OR52I2: variants seen among roughly 807,000 people sequenced by gnomAD.
OR52I2 encodes olfactory receptor family 52 subfamily I member 2.
For missense variants in OR52I2, 350 were observed against 402.4 expected, an observed-to-expected ratio of 0.87 and a Z score of 1.11; for synonymous variants, 147 against 151.9, an observed-to-expected ratio of 0.97 and a Z score of 0.24.
rs755674815 is a variant in OR52I2, at chr11:4,587,789, G to A, written c.899G>A (p.Arg300Lys). 15 of 1,613,974 alleles carry A rather than the reference G, an allele frequency of 9.3e-6. 1 individual carries two copies. The African/African-American group carries it at 2.0e-4, about 22-fold the overall frequency. ...TTAAATCCCATCATCTATGGCATGA[G>A]GACCAAACAACTGCGGGAGAGAATA... Residue 300 changes from arginine (R) to lysine (K), a missense_variant, in exon 2 of 2, where the codon AGG (arginine) becomes AAG (lysine). Arg to Lys is a conservative substitution (Grantham distance 26). Transcript: ENST00000641896.
At chr11:4,588,354 C>G (rs1341551451) in exon 2 of OR52I2, 1 of 160,484 alleles carries the variant, frequency 6.2e-6, no homozygotes, top group Non-Finnish European at 1.4e-5. Context: ...ACACTAGAAA[C>G]TTTATAGCTT....
chr11:4,592,747 A>G (rs1403718904), exon 2 of OR52I2: 2 of 152,242 alleles, frequency 1.3e-5, no homozygotes, highest in Admixed American at 6.5e-5. Context: ...TACATATTAT[A>G]TGATATGGTA....
At chr11:4,586,913 A>C (rs779615355) in exon 2 of OR52I2, 1 of 1,613,984 alleles carries the variant, frequency 6.2e-7, no homozygotes, top group Non-Finnish European at 8.5e-7. Flanking sequence ...GCTTATAACC[A>C]CACAATGGAA....
chr11:4,591,849 AAG>A (rs1846352668), exon 2 of OR52I2: 1 of 151,544 alleles, frequency 6.6e-6, no homozygotes, highest in South Asian at 2.1e-4. Context: ...AAGTGTGATG[AAG>A]AAAAAAAAAT....
rs757119323 is a variant in OR52I2, at chr11:4,586,908, T to A, written c.18T>A (p.Tyr6Ter). 2 of 1,613,916 alleles carry A rather than the reference T, an allele frequency of 1.2e-6. No individual in the cohort carries two copies. The highest frequency in any genetic ancestry group is 1.7e-6 in the Non-Finnish European group (2 of 1,179,820). ...CACTTGTGATGCTGGGTCCAGCTTA[T>A]AACCACACAATGGAAACCCCTGCCT... is the stretch of plus-strand genomic sequence containing the variant. Residue 6 changes from tyrosine (Y) to a stop codon, truncating the protein, a stop_gained, in exon 2 of 2, where the codon TAT (tyrosine) becomes TAA (stop). Coordinates refer to ENST00000641896, the Ensembl canonical transcript of OR52I2. LOFTEE classifies it low-confidence loss of function (END_TRUNC).
chr11:4,589,172 T>C (rs887258119), exon 2 of OR52I2: 1 of 152,114 alleles, frequency 6.6e-6, no homozygotes, highest in Non-Finnish European at 1.5e-5. Context: ...GGAGTAGCAA[T>C]GTTTGGTTGC....
At chr11:4,591,356 G>A (rs1262893181) in exon 2 of OR52I2, 1 of 152,172 alleles carries the variant, frequency 6.6e-6, no homozygotes, top group East Asian at 1.9e-4. Context: ...CACAGGAAGC[G>A]ATAGTTAAAG....
exon 2 of OR52I2, chr11:4,586,934 C>T: frequency 1.9e-6 from 3 of 1,614,180 alleles, no homozygotes; most frequent in Non-Finnish European, 2.5e-6. Flanking sequence ...ACCCCTGCCT[C>T]CTTCCTCCTT....
intron 1 of OR52I2, among the ~76,000 whole-genome samples, chr11:4,582,808 A>G (rs1216880213): frequency 6.6e-6 from 1 of 152,128 alleles, no homozygotes; most frequent in African/African-American, 2.4e-5. Context: ...ATTAAAAACA[A>G]AGGCAGGTGC....
At chr11:4,584,907 A>G (rs1589842788) in intron 1 of OR52I2, among the ~76,000 whole-genome samples, 1 of 152,318 alleles carries the variant, frequency 6.6e-6, no homozygotes, top group African/African-American at 2.4e-5. Flanking sequence ...ACTTGCAGCA[A>G]TCTAAAAGTA....
chr11:4,582,686 C>T (rs1183980177), intron 1 of OR52I2, among the ~76,000 whole-genome samples: 4 of 152,026 alleles, frequency 2.6e-5, no homozygotes, highest in East Asian at 3.9e-4. Flanking sequence ...CCTACCACCT[C>T]GGCCTCCCAA....
exon 2 of OR52I2, chr11:4,591,032 C>T (rs1484687034): frequency 6.6e-6 from 1 of 152,092 alleles, no homozygotes; most frequent in East Asian, 1.9e-4. Context: ...AGGACTTTAC[C>T]ACAGCTGCTG....
chr11:4,584,935 A>T (rs1589842804), intron 1 of OR52I2, among the ~76,000 whole-genome samples: 1 of 152,328 alleles, frequency 6.6e-6, no homozygotes, highest in East Asian at 1.9e-4. Flanking sequence ...TATGCAGGGA[A>T]AACAGTTTCA....
At chr11:4,585,121 C>T (rs113450514) in intron 1 of OR52I2, among the ~76,000 whole-genome samples, 300 of 152,194 alleles carry the variant, frequency 2.0e-3, no homozygotes, top group Non-Finnish European at 3.4e-3. Flanking sequence ...TAAGGCAAAG[C>T]GGCTAGCAAG....
exon 2 of OR52I2, chr11:4,588,097 C>G (rs1846322600): frequency 1.8e-6 from 1 of 541,314 alleles, no homozygotes; most frequent in East Asian, 3.1e-5. Flanking sequence ...AGAGAATACA[C>G]ATTTGATTGA....
exon 2 of OR52I2, chr11:4,587,394 T>C (rs768568110): frequency 6.2e-7 from 1 of 1,613,788 alleles, no homozygotes; most frequent in East Asian, 2.2e-5. Context: ...GGATGGTGAG[T>C]CATCTACCTT....
chr11:4,589,431 C>T (rs1276915099), exon 2 of OR52I2: 1 of 152,224 alleles, frequency 6.6e-6, no homozygotes, highest in Non-Finnish European at 1.5e-5. Flanking sequence ...ACAGAGAAAA[C>T]TCTCAGACTG....
exon 2 of OR52I2, chr11:4,588,826 C>G (rs1457282844): frequency 2.0e-5 from 3 of 152,330 alleles, no homozygotes; most frequent in Non-Finnish European, 4.4e-5. Flanking sequence ...GGCTTACTTG[C>G]TTTGTGACTT....
chr11:4,586,841 T>C (rs769345391), intron 1 of OR52I2, 31 bp from the exon 2 acceptor site: 18 of 1,614,044 alleles, frequency 1.1e-5, no homozygotes, highest in Middle Eastern at 1.7e-4. Flanking sequence ...CGGGATTGCA[T>C]TCTTCTCATA....
Sources: allele counts gnomAD v4.1 joint callset (sites outside exome capture counted in the v4.1 genomes callset), GRCh38; gene constraint gnomAD v4.1.1; transcripts MANE v1.5; gene names NCBI Gene and HGNC (gene_info 2026-07-23, HGNC 2026-07-21).